MAX: variants seen among roughly 807,000 people sequenced by gnomAD.
MAX encodes the protein protein max.
Under a neutral mutation model 22.3 loss-of-function variants are expected in MAX, and 3 were observed. The observed-to-expected ratio is 0.13, with a 90% CI of 0.06 to 0.35. The LOEUF (loss-of-function observed/expected upper bound fraction) is 0.35. Among genes scored for constraint, MAX ranks in the 10% least tolerant of loss-of-function variants. MAX has a pLI of 1.00. For missense variants in MAX, 119 were observed against 209.4 expected, an observed-to-expected ratio of 0.57 and a Z score of 2.66; for synonymous variants, 72 against 77.7, an observed-to-expected ratio of 0.93 and a Z score of 0.39.
chr14:65,038,765 C>A (rs2139616542), intron 3 of MAX, among the ~76,000 whole-genome samples: 1 of 152,272 alleles, frequency 6.6e-6, no homozygotes, highest in African/African-American at 2.4e-5. Flanking sequence ...TGGTTCGTTT[C>A]CATCTCTTAA....
intron 3 of MAX, among the ~76,000 whole-genome samples, chr14:65,064,630 CAAG>C (rs1367629546): frequency 6.6e-6 from 1 of 152,176 alleles, no homozygotes; most frequent in African/African-American, 2.4e-5. Context: ...AGTGCCTTTC[CAAG>C]AAGCAGTCCA....
At chr14:65,064,083 A>G (rs184556608) in intron 3 of MAX, among the ~76,000 whole-genome samples, 1 of 152,190 alleles carries the variant, frequency 6.6e-6, no homozygotes, top group South Asian at 2.1e-4. Context: ...CCTCATGGAT[A>G]ATCAGGGGAA....
chr14:65,053,361 C>A, intron 3 of MAX: 2 of 1,410,562 alleles, frequency 1.4e-6, no homozygotes, highest in South Asian at 1.7e-5. Flanking sequence ...TGAGTGTTTT[C>A]TCTCTGGGGA....
intron 3 of MAX, among the ~76,000 whole-genome samples, chr14:65,022,515 C>T (rs1242201137): frequency 6.6e-6 from 1 of 151,822 alleles, no homozygotes; most frequent in African/African-American, 2.4e-5. Flanking sequence ...CTGTGATTGT[C>T]TGTAATATTA....
At position 65,084,167 on chromosome 14, in the gene MAX, A is replaced by G; in HGVS notation, c.172-6131T>C. 4 of 1,613,736 alleles carry G rather than the reference A, an allele frequency of 2.5e-6. No homozygotes were observed. The highest frequency in any genetic ancestry group is 3.4e-6 in the Non-Finnish European group (4 of 1,179,680). On this transcript the variant is annotated intron_variant, in intron 3 of 4. Transcript: ENST00000358664. The surrounding 1 kb of genome is among the most constrained non-coding windows in gnomAD (Gnocchi z 4.3). ...AGTAAGACATTTGTGTAAGGGGTCA[A>G]AACAATCATTTTTTAAATCTTGCAT...
chr14:65,037,990 C>G (rs933958249), intron 3 of MAX, among the ~76,000 whole-genome samples: 5 of 151,882 alleles, frequency 3.3e-5, no homozygotes, highest in African/African-American at 9.7e-5. Context: ...GTCTCAAACT[C>G]CTGACCTCAA....
chr14:65,097,617 T>C (rs2063708487), intron 2 of MAX, among the ~76,000 whole-genome samples: 1 of 152,222 alleles, frequency 6.6e-6, no homozygotes, highest in South Asian at 2.1e-4. Context: ...GGTTGTATTT[T>C]AGAGGGAAGC....
chr14:65,040,604 CTT>C (rs35890649), intron 3 of MAX, among the ~76,000 whole-genome samples: 25 of 117,304 alleles, frequency 2.1e-4, no homozygotes, highest in Admixed American at 4.6e-4. Flanking sequence ...CCAGGCCCAG[CTT>C]TTTTTTTTTT....
chr14:65,088,068 C>T lies in MAX; in HGVS notation c.171+5640G>A, dbSNP rs144596023. Among the ~76,000 whole-genome samples the T allele has an allele frequency of 1.5e-4, 23 of 152,294 alleles. No individual in the cohort carries two copies. Among genetic ancestry groups the T allele is most frequent in the East Asian group, 1.4e-3 (7 of 5,178 alleles). On this transcript the variant is annotated intron_variant, in intron 3 of 4. Coordinates refer to ENST00000358664, the MANE Select transcript of MAX (RefSeq NM_002382.5). The surrounding 1 kb of genome is among the most constrained non-coding windows in gnomAD (Gnocchi z 5.2). ...GACATGACTTGCTCCTCCTTGCCTTCGCCATGATTGTGAGGCTTCCTTCCA... is the reference window on the plus strand; with the variant it reads ...GACATGACTTGCTCCTCCTTGCCTTTGCCATGATTGTGAGGCTTCCTTCCA...
intron 3 of MAX, among the ~76,000 whole-genome samples, chr14:65,083,185 A>G (rs528406165): frequency 1.3e-5 from 2 of 152,228 alleles, no homozygotes; most frequent in East Asian, 3.9e-4. Flanking sequence ...CAACCCTCTC[A>G]AGCAGAGGCA....
At chr14:65,070,458 G>T (rs947398772), downstream of MAX, among the ~76,000 whole-genome samples, 3 of 152,340 alleles carry the variant, frequency 2.0e-5, no homozygotes, top group African/African-American at 7.2e-5. This position sits in a 1 kb window ranked among gnomAD's most constrained non-coding sequence, Gnocchi z 4.4. Context: ...GCAAAGGACA[G>T]CAAAGGAAAA....
chr14:65,102,169 G>T, intron 1 of MAX, 135 bp downstream of exon 1: 1 of 1,494,828 alleles, frequency 6.7e-7, no homozygotes, highest in Non-Finnish European at 9.1e-7. Flanking sequence ...ACGCGACGGA[G>T]GCACTCCTGG....
chr14:65,065,213 A>C (rs2062919267), intron 3 of MAX, among the ~76,000 whole-genome samples: 1 of 152,194 alleles, frequency 6.6e-6, no homozygotes, highest in Non-Finnish European at 1.5e-5. Context: ...TTTTCTACCT[A>C]GAAGGAAACC....
intron 3 of MAX, among the ~76,000 whole-genome samples, chr14:65,010,030 C>T (rs1043842657): frequency 6.6e-6 from 1 of 152,154 alleles, no homozygotes; most frequent in Non-Finnish European, 1.5e-5. Flanking sequence ...GTCTGGCCTT[C>T]TCTTGTTTAC....
At chr14:65,035,264 A>G (rs1448686345) in intron 3 of MAX, among the ~76,000 whole-genome samples, 1 of 152,174 alleles carries the variant, frequency 6.6e-6, no homozygotes, top group Non-Finnish European at 1.5e-5. Context: ...ACCAGAGAGA[A>G]AAAGTTGTGG....
chr14:65,072,695 C>T (rs191233232), downstream of MAX, among the ~76,000 whole-genome samples: 166 of 152,306 alleles, frequency 1.1e-3, 2 homozygotes, highest in Non-Finnish European at 1.4e-3. Context: ...TTGAGTAACA[C>T]CACATGGGGC....
chr14:65,078,084 CCAGG>C lies in MAX; in HGVS notation c.172-52_172-49del, dbSNP rs1448368813. 5 of 1,613,404 alleles carry C rather than the reference CCAGG, an allele frequency of 3.1e-6. No homozygotes were observed. The highest frequency in any genetic ancestry group is 4.2e-6 in the Non-Finnish European group (5 of 1,179,676). The stretch of plus-strand genomic sequence containing the variant: ...ACAGGGGACAAAATAAAAACCCAAT[CCAGG>C]CAGTGAGGGAACCTGGCCTGCAGCA... On this transcript the variant is annotated intron_variant, in intron 3 of 4. Transcript: ENST00000358664. The surrounding 1 kb of genome is among the most constrained non-coding windows in gnomAD (Gnocchi z 6.4).
chr14:65,061,429 G>T (rs2139702787), intron 3 of MAX: 2 of 1,447,216 alleles, frequency 1.4e-6, no homozygotes, highest in South Asian at 2.8e-5. Context: ...TGGAGCTGTG[G>T]TTCTCTTGGT....
intron 1 of MAX, 88 bp downstream of exon 1, chr14:65,102,216 G>A: frequency 1.3e-6 from 2 of 1,583,696 alleles, no homozygotes; most frequent in Non-Finnish European, 1.7e-6. Flanking sequence ...CGGCAGCCCG[G>A]CCCCCTCCCG....
Sources: allele counts gnomAD v4.1 joint callset (sites outside exome capture counted in the v4.1 genomes callset), GRCh38; gene constraint gnomAD v4.1.1; non-coding constraint Gnocchi (gnomAD v3.1); transcripts MANE v1.5; gene names NCBI Gene and HGNC (gene_info 2026-07-23, HGNC 2026-07-21).